The following TSNARE1 variants were observed in gnomAD, a reference collection of about 807,000 sequenced individuals.
The protein encoded by TSNARE1 is t-SNARE domain containing 1, also known as t-SNARE domain-containing protein 1.
Under a neutral mutation model 62.0 loss-of-function variants are expected in TSNARE1, and 49 were observed. That is an observed-to-expected ratio of 0.79 (90% confidence interval 0.63 to 1.00). The LOEUF (loss-of-function observed/expected upper bound fraction) is 1.00, where lower values mean the gene tolerates loss of function less well. Ranked by LOEUF, TSNARE1 falls within the 50% of genes least tolerant of loss-of-function variation. The probability of loss-of-function intolerance (pLI) is 0.00; values close to 1 mark genes in which losing one functional copy is unlikely to be tolerated. For synonymous variants in TSNARE1, 328 were observed against 294.4 expected, an observed-to-expected ratio of 1.11 and a Z score of -1.17; for missense variants, 755 against 700.1, an observed-to-expected ratio of 1.08 and a Z score of -0.88.
At chr8:142,380,779 C>T (rs1836682368) in intron 1 of TSNARE1, among the ~76,000 whole-genome samples, 1 of 152,112 alleles carries the variant, frequency 6.6e-6, no homozygotes. Flanking sequence ...CCAGGGACGG[C>T]CCACGGCGGA....
chr8:142,300,534 C>T lies in TSNARE1; in HGVS notation c.1242G>A (p.Glu414=). The T allele has an allele frequency of 6.2e-7, 1 of 1,611,582 alleles. No individual in the cohort carries two copies. The highest frequency in any genetic ancestry group is 8.5e-7 in the Non-Finnish European group (1 of 1,179,960). Reference sequence around the variant, plus strand: ...CCCGCAGCCGGATGGCCTCCAGGTCCTCTTCAGTGATGTCCGGGAGCAGCG... The same window carrying T: ...CCCGCAGCCGGATGGCCTCCAGGTCTTCTTCAGTGATGTCCGGGAGCAGCG... ...EQALLPDITE[E]DLEAIRLREE... Residue 414 remains glutamate (E), a synonymous_variant, in exon 10 of 14, where the codon GAG becomes GAA. Transcript: ENST00000524325.
intron 6 of TSNARE1, among the ~76,000 whole-genome samples, chr8:142,321,149 A>G (rs1343970245): frequency 2.6e-5 from 4 of 152,096 alleles, no homozygotes; most frequent in African/African-American, 9.7e-5. Flanking sequence ...AGGGAATGAG[A>G]GCCACCAGTC....
chr8:142,279,224 C>T (rs951062738), intron 11 of TSNARE1, among the ~76,000 whole-genome samples: 4 of 152,252 alleles, frequency 2.6e-5, no homozygotes, highest in South Asian at 2.1e-4. Context: ...TGCCTAAGGA[C>T]AGCCGTGCTC....
intron 1 of TSNARE1, among the ~76,000 whole-genome samples, chr8:142,371,054 T>A (rs12676061): frequency 0.48 from 72,952 of 152,090 alleles, 20,488 homozygotes; most frequent in African/African-American, 0.77. Flanking sequence ...GGACATCATT[T>A]CAGATCCTAC....
At chr8:142,269,782 A>G in intron 12 of TSNARE1, 3 of 985,388 alleles carry the variant, frequency 3.0e-6, no homozygotes, top group Non-Finnish European at 3.6e-6. Context: ...CAGAACCAAC[A>G]GCAGCACCAT....
intron 2 of TSNARE1, among the ~76,000 whole-genome samples, chr8:142,346,993 A>G (rs1441218263): frequency 6.6e-6 from 1 of 152,202 alleles, no homozygotes; most frequent in African/African-American, 2.4e-5. Flanking sequence ...GCCCCCAGAC[A>G]GCACTGCCCA....
intron 6 of TSNARE1, chr8:142,326,192 G>C (rs868853556): frequency 2.1e-3 from 293 of 141,556 alleles, no homozygotes; most frequent in African/African-American, 5.5e-3. Context: ...AGACGGATGA[G>C]GAACCAGCAC....
rs190690669 is a variant in TSNARE1, at chr8:142,254,812, G to T, written c.1446+19969C>A. Among the ~76,000 whole-genome samples, 66 of 152,316 alleles carry T rather than the reference G, an allele frequency of 4.3e-4. No individual in the cohort carries two copies. The South Asian group carries it at 6.4e-3, about 15-fold the overall frequency. On this transcript the variant is annotated intron_variant, in intron 12 of 13. Transcript: ENST00000524325. ...AGACAGTGCTGCAGGCGGCTGCTGGGCTGAGGACGGCCAAGGGGAGGAGAG... is the reference window on the plus strand; with the variant it reads ...AGACAGTGCTGCAGGCGGCTGCTGGTCTGAGGACGGCCAAGGGGAGGAGAG...
intron 12 of TSNARE1, among the ~76,000 whole-genome samples, chr8:142,261,289 GGGA>G (rs1224395783): frequency 1.5e-5 from 2 of 134,550 alleles, no homozygotes; most frequent in Admixed American, 7.3e-5. Context: ...GATAGAGGGA[GGGA>G]GGAGGGAAGG....
rs568791757 is a variant in TSNARE1 at position 142,298,049 on chromosome 8, C to A, written c.1290+2437G>T. ...TGCACCACTCCCAGCCCCCCTGCTACCCCCCGTCCGCACAGTGCTGAGCTG... is the reference window on the plus strand; with the variant it reads ...TGCACCACTCCCAGCCCCCCTGCTAACCCCCGTCCGCACAGTGCTGAGCTG... On this transcript the variant is annotated intron_variant, in intron 10 of 13. Transcript: ENST00000524325. 1.5e-4 allele frequency among the ~76,000 whole-genome samples: 23 copies of A among 152,290 alleles called. No individual in the cohort carries two copies. The South Asian group carries it at 3.9e-3, about 26-fold the overall frequency.
rs542171768 is a variant in TSNARE1, at chr8:142,268,654, A to G, written c.1446+6127T>C. ...GTTTTCCAGCTTCTAATGCAACGAAATGTGGGCATCTGACTAACTCCCAGT... is the reference window on the plus strand; with the variant it reads ...GTTTTCCAGCTTCTAATGCAACGAAGTGTGGGCATCTGACTAACTCCCAGT... On this transcript the variant is annotated intron_variant, in intron 12 of 13. Coordinates refer to ENST00000524325, the MANE Select transcript of TSNARE1 (RefSeq NM_145003.5). Among the ~76,000 whole-genome samples, 3 of 152,342 alleles carry G rather than the reference A, an allele frequency of 2.0e-5. No individual in the cohort carries two copies. In the East Asian group the frequency reaches 5.8e-4, roughly 29 times the overall value.
intron 1 of TSNARE1, chr8:142,366,017 A>C (rs1243240231): frequency 1.5e-5 from 6 of 390,196 alleles, no homozygotes; most frequent in Admixed American, 7.6e-5. Flanking sequence ...GTCCCAGGAC[A>C]CTGAAAATGA....
chr8:142,351,147 G>A (rs569166877), intron 2 of TSNARE1, among the ~76,000 whole-genome samples: 14 of 152,328 alleles, frequency 9.2e-5, no homozygotes, highest in South Asian at 8.3e-4. Flanking sequence ...CACATGTACC[G>A]CCACACTGGC....
intron 6 of TSNARE1, among the ~76,000 whole-genome samples, chr8:142,328,736 C>T (rs192873078): frequency 6.6e-6 from 1 of 151,212 alleles, no homozygotes. Context: ...AGTGCGTGAG[C>T]TGAGCTGCCA....
intron 9 of TSNARE1, among the ~76,000 whole-genome samples, chr8:142,308,646 C>T (rs1459919217): frequency 4.6e-5 from 7 of 152,198 alleles, no homozygotes; most frequent in African/African-American, 1.7e-4. Context: ...ACACAAACAC[C>T]ACACTGTTTT....
intron 10 of TSNARE1, among the ~76,000 whole-genome samples, chr8:142,293,543 A>G (rs377406565): frequency 8.6e-4 from 131 of 152,318 alleles, no homozygotes; most frequent in Non-Finnish European, 1.2e-3. Context: ...CCAGGGTCAC[A>G]TGGCCCAGTG....
At chr8:142,352,326 G>A (rs1834198916) in intron 2 of TSNARE1, among the ~76,000 whole-genome samples, 3 of 152,254 alleles carry the variant, frequency 2.0e-5, no homozygotes, top group South Asian at 2.1e-4. Context: ...TCCAACCAGA[G>A]AGGACAAGCC....
In TSNARE1 at chr8:142,328,821, G is replaced by T. The variant is rs879924560; in HGVS notation, c.893+2080C>A. 4.1e-3 allele frequency among the ~76,000 whole-genome samples: 493 copies of T among 120,714 alleles called. 3 individuals carry two copies. Among genetic ancestry groups the T allele is most frequent in the Non-Finnish European group, 6.6e-3 (376 of 56,822 alleles). 79.2% of individuals were successfully genotyped at this position (120,714 alleles called of 152,430 possible). A position where few individuals can be genotyped will look rare whatever the true frequency, so the allele number is the denominator to read the frequency against. ...GGGTCTGTGACAGGGAGGCCTTTGG[G>T]GGGGGGGAGGGTTCCGCACACAGGT... On this transcript the variant is annotated intron_variant, in intron 6 of 13. Coordinates refer to ENST00000524325, the MANE Select transcript of TSNARE1 (RefSeq NM_145003.5).
intron 13 of TSNARE1, among the ~76,000 whole-genome samples, chr8:142,226,467 G>A (rs892046541): frequency 6.6e-6 from 1 of 152,164 alleles, no homozygotes; most frequent in Non-Finnish European, 1.5e-5. Context: ...CCTATTGCTT[G>A]TTCTTCCGTG....
Sources: allele counts gnomAD v4.1 joint callset (sites outside exome capture counted in the v4.1 genomes callset), GRCh38; gene constraint gnomAD v4.1.1; transcripts MANE v1.5; gene names NCBI Gene and HGNC (gene_info 2026-07-23, HGNC 2026-07-21).